The following DRC11 variants were observed in gnomAD, a reference collection of about 807,000 sequenced individuals.
The protein encoded by DRC11 is IQ and AAA domain-containing protein 1.
chr2:236,422,288 G>T, the DRC11 span, among the ~76,000 whole-genome samples: 2 of 152,190 alleles, frequency 1.3e-5, no homozygotes, highest in African/African-American at 4.8e-5. Context: ...CAGATGACAT[G>T]ATTGTATATC....
the DRC11 span, among the ~76,000 whole-genome samples, chr2:236,323,051 T>A: frequency 6.6e-6 from 1 of 152,240 alleles, no homozygotes; most frequent in Non-Finnish European, 1.5e-5. This position sits in a 1 kb window ranked among gnomAD's most constrained non-coding sequence, Gnocchi z 6.4. Flanking sequence ...TCTGAAAAAG[T>A]GTACTTGTCG....
the DRC11 span, among the ~76,000 whole-genome samples, chr2:236,416,749 A>ATTTT: frequency 1.7e-5 from 1 of 57,876 alleles, no homozygotes; most frequent in Non-Finnish European, 3.9e-5. Context: ...ATATATATAT[A>ATTTT]TATATATATA....
chr2:236,470,438 C>G, the DRC11 span, among the ~76,000 whole-genome samples: 34 of 152,264 alleles, frequency 2.2e-4, no homozygotes, highest in African/African-American at 7.9e-4. This position sits in a 1 kb window ranked among gnomAD's most constrained non-coding sequence, Gnocchi z 5.1. Context: ...CCCCTGGACA[C>G]CTCAGTGTTC....
At chr2:236,358,748 G>A in the DRC11 span, among the ~76,000 whole-genome samples, 24 of 149,530 alleles carry the variant, frequency 1.6e-4, no homozygotes, top group African/African-American at 5.0e-4. Context: ...GATGAGAAAA[G>A]TGACACTCAG....
chr2:236,497,191 T>A, the DRC11 span: 1 of 1,612,018 alleles, frequency 6.2e-7, no homozygotes, highest in Non-Finnish European at 8.5e-7. The surrounding 1 kb of genome is among the most constrained non-coding windows in gnomAD (Gnocchi z 5.1). Context: ...CTGCAGGATA[T>A]CATCGAAATA....
chr2:236,491,246 G>GTATATATATATA, the DRC11 span, among the ~76,000 whole-genome samples: 22 of 23,744 alleles, frequency 9.3e-4, 1 homozygote, highest in Non-Finnish European at 1.2e-3. Context: ...TATATACACA[G>GTATATATATATA]TATATATATA....
At chr2:236,416,743 A>ATATTTT in the DRC11 span, among the ~76,000 whole-genome samples, 32 of 56,410 alleles carry the variant, frequency 5.7e-4, no homozygotes, top group Non-Finnish European at 1.1e-3. Context: ...ATATATATAT[A>ATATTTT]TATATATATA....
chr2:236,347,189 T>C, the DRC11 span, among the ~76,000 whole-genome samples: 26,890 of 152,144 alleles, frequency 0.18, 2,434 homozygotes, highest in Admixed American at 0.2. Context: ...GTGGGGGTGA[T>C]CTGCATTTGT....
the DRC11 span, chr2:236,507,176 AAAT>A: frequency 7.0e-7 from 1 of 1,432,548 alleles, no homozygotes. Flanking sequence ...AGAAAAAAGA[AAAT>A]AAGAGAAGCA....
the DRC11 span, among the ~76,000 whole-genome samples, chr2:236,357,307 A>T: frequency 8.3e-6 from 1 of 119,790 alleles, no homozygotes; most frequent in African/African-American, 3.5e-5. Flanking sequence ...ATATTCATAT[A>T]GATCTATATA....
At chr2:236,485,931 G>A in the DRC11 span, among the ~76,000 whole-genome samples, 43 of 152,306 alleles carry the variant, frequency 2.8e-4, no homozygotes, top group African/African-American at 9.6e-4. Flanking sequence ...CAGTGACCCC[G>A]CCTCCTGGTC....
the DRC11 span, among the ~76,000 whole-genome samples, chr2:236,445,909 C>T: frequency 6.6e-6 from 1 of 152,140 alleles, no homozygotes; most frequent in Admixed American, 6.5e-5. The surrounding 1 kb of genome is among the most constrained non-coding windows in gnomAD (Gnocchi z 4.8). Context: ...CTGTCCCTCC[C>T]GTGGGTGGCT....
chr2:236,493,324 G>A, the DRC11 span, among the ~76,000 whole-genome samples: 256 of 152,204 alleles, frequency 1.7e-3, 1 homozygote, highest in African/African-American at 5.9e-3. Flanking sequence ...ATTTGGGTGG[G>A]GACATAGTCA....
the DRC11 span, among the ~76,000 whole-genome samples, chr2:236,480,055 A>G: frequency 6.7e-6 from 1 of 149,148 alleles, no homozygotes; most frequent in Non-Finnish European, 1.5e-5. Context: ...AGAACTTAAT[A>G]AATATGTTTT....
At chr2:236,441,181 C>T in the DRC11 span, 3 of 1,150,504 alleles carry the variant, frequency 2.6e-6, no homozygotes, top group Admixed American at 2.0e-5. Flanking sequence ...TTGTTATATA[C>T]CCCATTTATT....
chr2:236,484,373 T>TA, the DRC11 span, among the ~76,000 whole-genome samples: 2 of 152,190 alleles, frequency 1.3e-5, no homozygotes, highest in African/African-American at 4.8e-5. Context: ...TTTTTAGACA[T>TA]AAAACACATG....
chr2:236,426,756 C>G, the DRC11 span, among the ~76,000 whole-genome samples: 1 of 152,100 alleles, frequency 6.6e-6, no homozygotes, highest in Admixed American at 6.6e-5. The surrounding 1 kb of genome is among the most constrained non-coding windows in gnomAD (Gnocchi z 4.1). Flanking sequence ...TCACTTCTTC[C>G]CTTCCTATTT....
the DRC11 span, among the ~76,000 whole-genome samples, chr2:236,355,741 C>T: frequency 6.8e-6 from 1 of 147,700 alleles, no homozygotes; most frequent in African/African-American, 2.5e-5. Context: ...CTCTCTCTCT[C>T]TCTCTCTCTG....
At chr2:236,495,824 G>C in the DRC11 span, among the ~76,000 whole-genome samples, 689 of 152,242 alleles carry the variant, frequency 4.5e-3, 3 homozygotes, top group African/African-American at 0.015. This position sits in a 1 kb window ranked among gnomAD's most constrained non-coding sequence, Gnocchi z 5.6. Context: ...CTGCACGAAG[G>C]CTTCCTGGAT....
Sources: gnomAD v4.1 joint callset for allele counts (sites outside exome capture counted in the v4.1 genomes callset) on GRCh38, gnomAD v4.1.1 for gene constraint, Gnocchi (gnomAD v3.1) non-coding constraint, MANE v1.5 for transcripts, NCBI Gene and HGNC (gene_info 2026-07-23, HGNC 2026-07-21) for gene names.